ITPR1: variants seen among roughly 807,000 people sequenced by gnomAD.
The protein encoded by ITPR1 is inositol 1,4,5-trisphosphate-gated calcium channel ITPR1.
A neutral mutation model predicts 318.4 loss-of-function variants in ITPR1; 96 were observed. The observed-to-expected ratio is 0.30, with a 90% CI of 0.26 to 0.36. The LOEUF (loss-of-function observed/expected upper bound fraction) is 0.36. Ranked by LOEUF, ITPR1 falls within the 10% of genes least tolerant of loss-of-function variation. The probability of loss-of-function intolerance (pLI) is 1.00; values close to 1 mark genes in which losing one functional copy is unlikely to be tolerated. For missense variants in ITPR1, 2,440 were observed against 3,460.2 expected (o/e 0.71, Z 7.40); for synonymous variants, 1,312 against 1,289.9 (o/e 1.02, Z -0.37).
chr3:4,755,436 G>A (rs1456887529), intron 44 of ITPR1, among the ~76,000 whole-genome samples: 1 of 148,800 alleles, frequency 6.7e-6, no homozygotes, highest in Non-Finnish European at 1.5e-5. Flanking sequence ...ATGGGGTCTT[G>A]CTATGTTGCC....
intron 2 of ITPR1, among the ~76,000 whole-genome samples, 185 bp downstream of exon 2, chr3:4,494,691 C>CTTGGAAACTTCCA (rs1422076717): frequency 1.3e-5 from 2 of 152,096 alleles, no homozygotes; most frequent in African/African-American, 4.8e-5. Context: ...GTGGACAGTC[C>CTTGGAAACTTCCA]GTTTCTTGGA....
chr3:4,711,505 A>G (rs1381906028), intron 38 of ITPR1: 2 of 397,464 alleles, frequency 5.0e-6, no homozygotes, highest in East Asian at 3.9e-5. Context: ...TCTCCATATA[A>G]TCTCTCCATT....
intron 44 of ITPR1, among the ~76,000 whole-genome samples, chr3:4,748,576 T>G (rs191219008): frequency 2.2e-4 from 34 of 152,290 alleles, no homozygotes; most frequent in Admixed American, 3.9e-4. Flanking sequence ...AGTTATCGTT[T>G]CTGTAGGTTT....
intron 34 of ITPR1, among the ~76,000 whole-genome samples, chr3:4,698,649 A>C (rs2094596198): frequency 6.6e-6 from 1 of 152,178 alleles, no homozygotes; most frequent in Non-Finnish European, 1.5e-5. Context: ...ACTGGCCCTG[A>C]TTTTGCCGAT....
Position 4,699,828 on chromosome 3 carries a change from A to G in ITPR1, c.4423A>G (p.Ser1475Gly). ...VDICRACNNT[S>G]DRKHADSILE... ...TGTCTTCCAGGCCTGTAACAACACTAGTGACAGGAAACATGCAGACTCGAT... is the reference window on the plus strand; with the variant it reads ...TGTCTTCCAGGCCTGTAACAACACTGGTGACAGGAAACATGCAGACTCGAT... The change falls in exon 35 of 62, where the codon AGT becomes GGT. Residue 1475 changes from serine to glycine, a missense_variant. This residue lies in a region of ITPR1 where 73 missense variants were observed against 59.5 expected (regional missense o/e 1.23). Transcript: ENST00000649015. 6.2e-7 allele frequency: 1 copy of G among 1,613,848 alleles called. No homozygotes were observed. The highest frequency in any genetic ancestry group is 1.7e-5 in the Admixed American group (1 of 60,022).
At chr3:4,667,690 T>A in intron 18 of ITPR1, 141 bp downstream of exon 18, 1 of 692,224 alleles carries the variant, frequency 1.4e-6, no homozygotes, top group Non-Finnish European at 2.3e-6. Flanking sequence ...TTTTGATGAG[T>A]AGTGGCAAGA....
chr3:4,673,530 A>C, intron 21 of ITPR1, 143 bp downstream of exon 21: 1 of 899,210 alleles, frequency 1.1e-6, no homozygotes. Context: ...GATGGCAAAT[A>C]TTTTTTTCCT....
chr3:4,692,798 T>C (rs1291420980), intron 32 of ITPR1, among the ~76,000 whole-genome samples: 2 of 152,170 alleles, frequency 1.3e-5, no homozygotes, highest in African/African-American at 2.4e-5. Flanking sequence ...GATGAAAGAA[T>C]TGTAAAGGGG....
chr3:4,828,673 C>T (rs2050239658), intron 60 of ITPR1, among the ~76,000 whole-genome samples: 1 of 152,192 alleles, frequency 6.6e-6, no homozygotes, highest in African/African-American at 2.4e-5. Context: ...GAGGCTGGCT[C>T]TTCCTAGGGA....
At chr3:4,829,490 A>C (rs990117096) in intron 60 of ITPR1, among the ~76,000 whole-genome samples, 2 of 152,358 alleles carry the variant, frequency 1.3e-5, no homozygotes, top group East Asian at 3.8e-4. Flanking sequence ...AATTAAAAAG[A>C]ATAAAAGGAT....
At chr3:4,700,506 C>T (rs1257924516) in intron 35 of ITPR1, among the ~76,000 whole-genome samples, 2 of 152,032 alleles carry the variant, frequency 1.3e-5, no homozygotes, top group East Asian at 1.9e-4. Context: ...GAAAATGAAG[C>T]GGTGAACGAA....
intron 44 of ITPR1, among the ~76,000 whole-genome samples, chr3:4,748,961 A>T (rs949358105): frequency 2.0e-5 from 3 of 152,072 alleles, no homozygotes; most frequent in Non-Finnish European, 4.4e-5. Context: ...CTCCGCGGGG[A>T]TTTAGAAGAG....
chr3:4,737,976 C>T (rs571883730), intron 44 of ITPR1, among the ~76,000 whole-genome samples: 15 of 152,162 alleles, frequency 9.9e-5, no homozygotes, highest in South Asian at 4.1e-4. Context: ...AATCAAATAC[C>T]GCATGTTCTC....
At chr3:4,771,367 A>T (rs2046172426) in intron 46 of ITPR1, among the ~76,000 whole-genome samples, 1 of 152,160 alleles carries the variant, frequency 6.6e-6, no homozygotes, top group African/African-American at 2.4e-5. Context: ...CCTGGAGTAG[A>T]ATCCCTCCAT....
At chr3:4,498,537 C>T (rs1407709608) in intron 2 of ITPR1, among the ~76,000 whole-genome samples, 1 of 152,190 alleles carries the variant, frequency 6.6e-6, no homozygotes, top group Non-Finnish European at 1.5e-5. Context: ...CTTGTAAACT[C>T]TCACGGAATT....
chr3:4,590,276 A>G (rs1320732815), intron 4 of ITPR1, among the ~76,000 whole-genome samples: 1 of 146,818 alleles, frequency 6.8e-6, no homozygotes, highest in African/African-American at 2.5e-5. Context: ...TCTCTGTAGA[A>G]TTTAAGTTGC....
intron 44 of ITPR1, among the ~76,000 whole-genome samples, chr3:4,739,592 A>G (rs970993316): frequency 3.9e-5 from 6 of 152,038 alleles, no homozygotes; most frequent in Non-Finnish European, 8.8e-5. Flanking sequence ...ACTTACTCAG[A>G]GTTCCAGAGC....
intron 12 of ITPR1, among the ~76,000 whole-genome samples, chr3:4,657,366 T>TG (rs2093733234): frequency 6.7e-6 from 1 of 149,214 alleles, no homozygotes; most frequent in South Asian, 2.1e-4. Flanking sequence ...CCCTAGCTCC[T>TG]GCGGATGGAT....
At chr3:4,789,762 G>A (rs2047437755) in intron 52 of ITPR1, among the ~76,000 whole-genome samples, 1 of 152,184 alleles carries the variant, frequency 6.6e-6, no homozygotes, top group Admixed American at 6.5e-5. Context: ...TGAGATTACA[G>A]GCACATGCCA....
Sources: allele counts gnomAD v4.1 joint callset (sites outside exome capture counted in the v4.1 genomes callset), GRCh38; gene constraint gnomAD v4.1.1; regional missense constraint gnomAD v4.1.1; transcripts MANE v1.5; gene names NCBI Gene and HGNC (gene_info 2026-07-23, HGNC 2026-07-21).